SYT12: variants seen among roughly 807,000 people sequenced by gnomAD.
The protein encoded by SYT12 is synaptotagmin-12.
In SYT12, 27 loss-of-function variants were observed where a neutral mutation model predicts 39.5. That is an observed-to-expected ratio of 0.68 (90% confidence interval 0.50 to 0.94). SYT12 has a LOEUF of 0.94. Among genes scored for constraint, SYT12 ranks in the 40% least tolerant of loss-of-function variants. The pLI, the probability that SYT12 is intolerant of heterozygous loss-of-function variation, is 0.00. For synonymous variants in SYT12, 233 were observed against 239.7 expected (o/e 0.97, Z 0.26); for missense variants, 536 against 572.6 (o/e 0.94, Z 0.65).
At chr11:67,040,852 A>C (rs1460283791) in intron 4 of SYT12, among the ~76,000 whole-genome samples, 2 of 146,668 alleles carry the variant, frequency 1.4e-5, no homozygotes, top group Non-Finnish European at 3.0e-5. Flanking sequence ...TAAATAAATA[A>C]ATAAAAATAA....
At chr11:67,020,724 T>C (rs1191826408), upstream of SYT12, among the ~76,000 whole-genome samples, 2 of 152,168 alleles carry the variant, frequency 1.3e-5, no homozygotes, top group Admixed American at 1.3e-4. Context: ...AGCAGTACGT[T>C]TGTGAGATTC....
chr11:67,016,236 G>A (rs1256285140), intron 3 of SYT12, among the ~76,000 whole-genome samples: 3 of 152,108 alleles, frequency 2.0e-5, no homozygotes, highest in East Asian at 1.9e-4. Context: ...AGCCGAGATC[G>A]CACCGCTGCA....
chr11:67,044,331 C>T (rs1156808558), intron 5 of SYT12, among the ~76,000 whole-genome samples: 4 of 152,136 alleles, frequency 2.6e-5, no homozygotes, highest in Admixed American at 6.5e-5. Context: ...TTTGACAGGC[C>T]GCCTCTGACC....
chr11:67,035,748 C>T (rs12284422), intron 3 of SYT12, among the ~76,000 whole-genome samples: 4,904 of 151,008 alleles, frequency 0.032, 255 homozygotes, highest in African/African-American at 0.11. Context: ...TGAGCCACCG[C>T]GCCCGGCCCT....
intron 3 of SYT12, among the ~76,000 whole-genome samples, chr11:67,038,081 G>T (rs1950418399): frequency 6.6e-6 from 1 of 151,320 alleles, no homozygotes; most frequent in Admixed American, 6.6e-5. Context: ...AGGCATGGAA[G>T]ATGCTTATGG....
chr11:67,029,916 C>G (rs1016609824), intron 1 of SYT12: 3 of 507,662 alleles, frequency 5.9e-6, no homozygotes, highest in Non-Finnish European at 1.0e-5. Context: ...TGTGTTTTAT[C>G]TGGCAATCCT....
Position 67,039,960 on chromosome 11 carries a change from G to A in SYT12, c.378G>A (p.Gly126=). The A allele has an allele frequency of 2.5e-6, 4 of 1,613,768 alleles. No individual in the cohort carries two copies. The highest frequency in any genetic ancestry group is 2.2e-5 in the East Asian group (1 of 44,886). ...GGGAGTTGGACCTGGCCCCCTATGG[G>A]ACCCTCCGGAAGTCCCAGTCGGCCG... ...MGRELDLAPY[G]TLRKSQSADS... is the part of the protein sequence containing the mutation. Residue 126 remains glycine, a synonymous_variant, in exon 4 of 8, where the codon GGG becomes GGA. Transcript: ENST00000527043.
chr11:67,016,318 G>A (rs917594423), intron 3 of SYT12, among the ~76,000 whole-genome samples: 1 of 152,060 alleles, frequency 6.6e-6, no homozygotes, highest in African/African-American at 2.4e-5. Context: ...AGATGTTGCG[G>A]GAGGGAAGTG....
At chr11:67,041,838 C>A (rs1950517711) in intron 4 of SYT12, among the ~76,000 whole-genome samples, 1 of 152,186 alleles carries the variant, frequency 6.6e-6, no homozygotes, top group Non-Finnish European at 1.5e-5. Flanking sequence ...TTGACACAGC[C>A]CATGGAGGTC....
intron 6 of SYT12, 22 bp from the exon 7 acceptor site, chr11:67,045,712 ACACTGGCCCT>A: frequency 6.2e-7 from 1 of 1,609,176 alleles, no homozygotes; most frequent in Non-Finnish European, 8.5e-7. Flanking sequence ...AGTGAGTGTG[ACACTGGCCCT>A]CACCTGTCCG....
At chr11:67,025,718 G>A (rs1477028814) in intron 1 of SYT12, among the ~76,000 whole-genome samples, 1 of 152,176 alleles carries the variant, frequency 6.6e-6, no homozygotes, top group African/African-American at 2.4e-5. Context: ...AGCACTTGCG[G>A]CTTGGTCTGA....
rs142858225 is a variant in SYT12, at chr11:67,026,508, G to C, written c.-24+3048G>C. ...GGCTGGTCTCAAACTCCCGAACTCA[G>C]GTGATCCGCCTGCCTCGGCCTCCCA... On this transcript the variant is annotated intron_variant, in intron 1 of 7. Coordinates refer to ENST00000527043, the MANE Select transcript of SYT12 (RefSeq NM_177963.4). 7.8e-4 allele frequency: 118 copies of C among 152,256 alleles called. 2 individuals carry two copies. Among genetic ancestry groups the C allele is most frequent in the African/African-American group, 2.7e-3 (114 of 41,556 alleles). The allele number at this position is 152,256 out of a possible 1,614,324, so 9.4% of individuals were successfully genotyped here. A position where few individuals can be genotyped will look rare whatever the true frequency, so the allele number is the denominator to read the frequency against.
intron 4 of SYT12, among the ~76,000 whole-genome samples, chr11:67,042,966 G>GC (rs1360007106): frequency 6.6e-6 from 1 of 152,134 alleles, no homozygotes; most frequent in Non-Finnish European, 1.5e-5. Context: ...AGGCTAGGCA[G>GC]CCCCCCAGCC....
intron 1 of SYT12, chr11:67,007,539 A>T (rs1373288741): frequency 6.6e-6 from 1 of 152,044 alleles, no homozygotes. Context: ...AGGAATTCGT[A>T]TATTTCTTTT....
intron 4 of SYT12, among the ~76,000 whole-genome samples, chr11:67,043,195 C>G (rs1226325908): frequency 6.6e-6 from 1 of 152,218 alleles, no homozygotes; most frequent in Non-Finnish European, 1.5e-5. Flanking sequence ...ATCCACCCAT[C>G]CAGCCTACGG....
chr11:67,009,435 G>A (rs572823356), intron 1 of SYT12, among the ~76,000 whole-genome samples: 4 of 152,222 alleles, frequency 2.6e-5, no homozygotes, highest in Admixed American at 2.6e-4. Context: ...AGGACTACAG[G>A]TATGTGCCCC....
intron 2 of SYT12, chr11:67,030,588 G>A (rs1950246261): frequency 5.6e-6 from 1 of 179,374 alleles, no homozygotes; most frequent in Admixed American, 6.1e-5. Flanking sequence ...TAAACTCAGA[G>A]ACCACCCAGT....
intron 3 of SYT12, among the ~76,000 whole-genome samples, chr11:67,013,731 G>C (rs997622262): frequency 6.6e-6 from 1 of 152,266 alleles, no homozygotes; most frequent in Admixed American, 6.5e-5. Context: ...GCTGCAGTCT[G>C]CTCAGCGCCC....
chr11:67,041,106 G>A (rs945997150), intron 4 of SYT12, among the ~76,000 whole-genome samples: 1 of 152,048 alleles, frequency 6.6e-6, no homozygotes, highest in South Asian at 2.1e-4. Context: ...AGCCCAGGAG[G>A]TTGAGGCTGC....
Sources: gnomAD v4.1 joint callset for allele counts (sites outside exome capture counted in the v4.1 genomes callset) on GRCh38, gnomAD v4.1.1 for gene constraint, MANE v1.5 for transcripts, NCBI Gene and HGNC (gene_info 2026-07-23, HGNC 2026-07-21) for gene names.